SEMA3A: variants seen among roughly 807,000 people sequenced by gnomAD.
SEMA3A encodes the protein semaphorin-3A.
In SEMA3A, 29 loss-of-function variants were observed where a neutral mutation model predicts 97.9. The ratio of observed to expected loss-of-function variants is 0.30; its 90% CI spans 0.22 to 0.40. The LOEUF (loss-of-function observed/expected upper bound fraction) is 0.40, where lower values mean the gene tolerates loss of function less well. Ranked by LOEUF, SEMA3A falls within the 10% of genes least tolerant of loss-of-function variation. The probability of loss-of-function intolerance (pLI) is 1.00; values close to 1 mark genes in which losing one functional copy is unlikely to be tolerated. For synonymous variants in SEMA3A, 321 were observed against 323.7 expected (o/e 0.99, Z 0.09); for missense variants, 763 against 951.3 (o/e 0.80, Z 2.60).
At chr7:83,980,623 A>AAAAAAAAAAAAAAAATAT (rs1310318006) in intron 14 of SEMA3A, among the ~76,000 whole-genome samples, 5 of 71,754 alleles carry the variant, frequency 7.0e-5, no homozygotes, top group Admixed American at 3.2e-4. Context: ...AAAAAAAAAA[A>AAAAAAAAAAAAAAAATAT]ATATATATAT....
chr7:84,380,858 A>C (rs562534232), intron 1 of SEMA3A, among the ~76,000 whole-genome samples: 1 of 152,192 alleles, frequency 6.6e-6, no homozygotes, highest in Non-Finnish European at 1.5e-5. Flanking sequence ...TTTCTCATGC[A>C]GTCATCTCCC....
intron 3 of SEMA3A, among the ~76,000 whole-genome samples, chr7:84,298,541 G>A (rs940667370): frequency 2.0e-5 from 3 of 152,116 alleles, no homozygotes; most frequent in African/African-American, 7.2e-5. Flanking sequence ...TTCACTCTAA[G>A]GAAACTGGGA....
At chr7:83,979,683 A>C (rs1789313931) in intron 14 of SEMA3A, among the ~76,000 whole-genome samples, 1 of 152,212 alleles carries the variant, frequency 6.6e-6, no homozygotes, top group African/African-American at 2.4e-5. Context: ...CTGAATGTTA[A>C]AGGTTTAATA....
At chr7:84,419,394 A>G (rs569573895) in intron 1 of SEMA3A, among the ~76,000 whole-genome samples, 1 of 152,150 alleles carries the variant, frequency 6.6e-6, no homozygotes. Context: ...TTGTATACAT[A>G]AGGGACAGGA....
rs372544181 is a variant in SEMA3A, at chr7:84,132,873, C to T, written c.270+1921G>A. 3.3e-3 allele frequency among the ~76,000 whole-genome samples: 506 copies of T among 151,852 alleles called. 7 individuals are homozygous for T. Among genetic ancestry groups the T allele is most frequent in the African/African-American group, 0.011 (464 of 41,436 alleles). On this transcript the variant is annotated intron_variant, in intron 2 of 16. Coordinates refer to ENST00000265362, the MANE Select transcript of SEMA3A (RefSeq NM_006080.3). ...GTATTTTTAGTAGAGACAGGTTTCACCATGTTGGCCAGGCTGGTCTTGAAC... is the reference window on the plus strand; with the variant it reads ...GTATTTTTAGTAGAGACAGGTTTCATCATGTTGGCCAGGCTGGTCTTGAAC...
chr7:84,401,773 T>C (rs112070842), intron 1 of SEMA3A, among the ~76,000 whole-genome samples: 3 of 152,260 alleles, frequency 2.0e-5, no homozygotes, highest in African/African-American at 4.8e-5. Flanking sequence ...AGAGTGTCTG[T>C]AATCAATGGT....
intron 1 of SEMA3A, among the ~76,000 whole-genome samples, chr7:84,460,545 C>T (rs959076164): frequency 6.6e-6 from 1 of 152,118 alleles, no homozygotes; most frequent in Non-Finnish European, 1.5e-5. Flanking sequence ...CTCCTTAAAT[C>T]TTACCACTTG....
At chr7:84,311,305 T>A (rs1801310403) in intron 2 of SEMA3A, among the ~76,000 whole-genome samples, 1 of 151,932 alleles carries the variant, frequency 6.6e-6, no homozygotes, top group African/African-American at 2.4e-5. Context: ...CAAAAATATC[T>A]AACAAATATA....
chr7:84,076,783 C>A (rs1371145252), intron 4 of SEMA3A, among the ~76,000 whole-genome samples: 1 of 152,056 alleles, frequency 6.6e-6, no homozygotes, highest in Non-Finnish European at 1.5e-5. Context: ...ATTCTAATAA[C>A]AATATGTACA....
At chr7:84,094,881 C>T (rs1283412773) in intron 4 of SEMA3A, among the ~76,000 whole-genome samples, 1 of 151,916 alleles carries the variant, frequency 6.6e-6, no homozygotes, top group Non-Finnish European at 1.5e-5. Flanking sequence ...ACCTTTCCCA[C>T]AGCAGACATT....
chr7:83,988,762 G>T (rs1462620062), intron 12 of SEMA3A, among the ~76,000 whole-genome samples: 1 of 151,436 alleles, frequency 6.6e-6, no homozygotes, highest in African/African-American at 2.4e-5. Flanking sequence ...ATGATGAAAG[G>T]AATGTCTATC....
At chr7:84,051,067 A>G (rs1303430143) in intron 5 of SEMA3A, among the ~76,000 whole-genome samples, 1 of 151,318 alleles carries the variant, frequency 6.6e-6, no homozygotes, top group Non-Finnish European at 1.5e-5. Flanking sequence ...CCATTGATCT[A>G]TATCTCTGTT....
intron 1 of SEMA3A, among the ~76,000 whole-genome samples, chr7:84,158,951 C>T (rs765837717): frequency 6.6e-6 from 1 of 151,916 alleles, no homozygotes; most frequent in Non-Finnish European, 1.5e-5. Context: ...TAATAGGTCA[C>T]AGCTCAGCCC....
intron 3 of SEMA3A, among the ~76,000 whole-genome samples, chr7:84,232,994 T>C (rs756218743): frequency 9.9e-5 from 15 of 151,954 alleles, no homozygotes; most frequent in Non-Finnish European, 1.9e-4. Flanking sequence ...ATAAAGAACA[T>C]TGCTTTACCC....
chr7:84,404,675 A>G (rs1230326446), intron 1 of SEMA3A, among the ~76,000 whole-genome samples: 2 of 152,252 alleles, frequency 1.3e-5, no homozygotes, highest in African/African-American at 2.4e-5. Context: ...AGGGAAGCCC[A>G]TCAGACTAAC....
intron 1 of SEMA3A, among the ~76,000 whole-genome samples, chr7:84,379,897 G>A (rs535305326): frequency 1.3e-5 from 2 of 152,084 alleles, no homozygotes. Flanking sequence ...ACATACAATG[G>A]CTAAAAATAT....
chr7:84,328,023 G>A (rs187341820), intron 2 of SEMA3A, among the ~76,000 whole-genome samples: 35 of 152,064 alleles, frequency 2.3e-4, no homozygotes, highest in African/African-American at 8.4e-4. Context: ...GTTAGATTAC[G>A]ATTTCGAGTT....
chr7:84,062,754 G>C (rs921869649), intron 4 of SEMA3A, among the ~76,000 whole-genome samples: 2 of 152,218 alleles, frequency 1.3e-5, no homozygotes, highest in African/African-American at 4.8e-5. Flanking sequence ...TCCCGCACCT[G>C]GCTTGGAGGG....
chr7:84,490,933 A>G (rs1419963109), intron 1 of SEMA3A, among the ~76,000 whole-genome samples: 1 of 152,150 alleles, frequency 6.6e-6, no homozygotes, highest in Non-Finnish European at 1.5e-5. Flanking sequence ...GTAGACATTG[A>G]CCGCTATTCA....
Sources: allele counts gnomAD v4.1 joint callset (sites outside exome capture counted in the v4.1 genomes callset), GRCh38; gene constraint gnomAD v4.1.1; transcripts MANE v1.5; gene names NCBI Gene and HGNC (gene_info 2026-07-23, HGNC 2026-07-21).